TTC39B: variants seen among roughly 807,000 people sequenced by gnomAD.
The protein encoded by TTC39B is tetratricopeptide repeat domain 39B.
TTC39B carries 92 observed loss-of-function variants against 96.6 expected under a neutral mutation model. The ratio of observed to expected loss-of-function variants is 0.95; its 90% CI spans 0.80 to 1.13. The LOEUF (loss-of-function observed/expected upper bound fraction) is 1.13, where lower values mean the gene tolerates loss of function less well. Among genes scored for constraint, TTC39B ranks in the 50% most tolerant of loss-of-function variants. The pLI is 0.00. For missense variants in TTC39B, 955 were observed against 809.3 expected (o/e 1.18, Z -2.18); for synonymous variants, 367 against 299.4 (o/e 1.23, Z -2.33).
intron 6 of TTC39B, among the ~76,000 whole-genome samples, chr9:15,209,007 C>G (rs549745786): frequency 6.6e-6 from 1 of 152,166 alleles, no homozygotes; most frequent in Admixed American, 6.5e-5. Context: ...TCAGCCAAAG[C>G]TACTTCTAGT....
At position 15,285,650 on chromosome 9, in the gene TTC39B, G is replaced by C. The variant is rs200494387; in HGVS notation, c.241-17702C>G. On this transcript the variant is annotated intron_variant, in intron 1 of 19. Coordinates refer to ENST00000512701, the Ensembl canonical transcript of TTC39B. ...CGGGCGGATCACGAGGTCAGGAGATGGAGACCATCCTGGCTAACACGATGA... is the reference window on the plus strand; with the variant it reads ...CGGGCGGATCACGAGGTCAGGAGATCGAGACCATCCTGGCTAACACGATGA... Among the ~76,000 whole-genome samples the C allele has an allele frequency of 2.0e-4, 30 of 152,190 alleles. No individual in the cohort carries two copies. The East Asian group carries it at 2.9e-3, about 15-fold the overall frequency.
At chr9:15,294,779 C>T (rs2131609038) in intron 1 of TTC39B, among the ~76,000 whole-genome samples, 1 of 152,362 alleles carries the variant, frequency 6.6e-6, no homozygotes, top group African/African-American at 2.4e-5. Context: ...CTGGGCCAAT[C>T]TTTACACAAT....
exon 20 of TTC39B, chr9:15,166,361 G>A (rs1313012705): frequency 1.3e-5 from 2 of 152,180 alleles, no homozygotes; most frequent in African/African-American, 4.8e-5. Context: ...GAAGGGAATG[G>A]GGTGTAGACT....
At chr9:15,203,008 A>G (rs1206446456) in intron 7 of TTC39B, among the ~76,000 whole-genome samples, 1 of 152,224 alleles carries the variant, frequency 6.6e-6, no homozygotes, top group Non-Finnish European at 1.5e-5. Context: ...CCAAAGGAAG[A>G]AATAAAAGAA....
intron 1 of TTC39B, among the ~76,000 whole-genome samples, chr9:15,275,292 C>A (rs1053050610): frequency 2.6e-5 from 4 of 152,182 alleles, no homozygotes; most frequent in African/African-American, 4.8e-5. Flanking sequence ...CTGCCCGCCT[C>A]GGCCTCCCAA....
rs749482253 is a variant in TTC39B at position 15,185,295 on chromosome 9, G to T, written c.1599C>A (p.Leu533=). 5 of 1,612,952 alleles carry T rather than the reference G, an allele frequency of 3.1e-6. 1 individual carries two copies. The South Asian group carries it at 5.5e-5, about 18-fold the overall frequency. ...AAGCAGATACCAGGGCAGGTAAGATGAGCTTCACAGGTGCAGGTAAGGAGG... is the reference window on the plus strand; with the variant it reads ...AAGCAGATACCAGGGCAGGTAAGATTAGCTTCACAGGTGCAGGTAAGGAGG... Residue 533 remains leucine, a synonymous_variant, in exon 16 of 20, where the codon CTC becomes CTA. Coordinates refer to ENST00000512701, the Ensembl canonical transcript of TTC39B.
chr9:15,251,120 C>T (rs1173787812), intron 2 of TTC39B, among the ~76,000 whole-genome samples: 1 of 151,358 alleles, frequency 6.6e-6, no homozygotes, highest in Non-Finnish European at 1.5e-5. Flanking sequence ...CGCTTGAACC[C>T]GGGAGGTGGA....
intron 17 of TTC39B, among the ~76,000 whole-genome samples, chr9:15,181,362 G>T (rs1188604180): frequency 1.3e-5 from 2 of 152,120 alleles, no homozygotes; most frequent in Non-Finnish European, 2.9e-5. Context: ...GCATTGAAAA[G>T]AAATACAACA....
chr9:15,197,573 C>T (rs942736124), intron 8 of TTC39B, among the ~76,000 whole-genome samples: 2 of 151,624 alleles, frequency 1.3e-5, no homozygotes, highest in Admixed American at 6.6e-5. Flanking sequence ...TATTTTTACA[C>T]AGTGGAAAAT....
rs552355588 is a variant in TTC39B, at chr9:15,295,632, C to G, written c.240+11452G>C. Among the ~76,000 whole-genome samples the G allele has an allele frequency of 4.6e-5, 7 of 152,332 alleles. No individual in the cohort carries two copies. In the East Asian group the frequency reaches 1.3e-3, roughly 29 times the overall value. The stretch of plus-strand genomic sequence containing the variant: ...AGATAATGAACCAGTAGCAGCAAGA[C>G]TTTAAAAGCATAAAGAGAAAGTAAA... On this transcript the variant is annotated intron_variant, in intron 1 of 19. Coordinates refer to ENST00000512701, the Ensembl canonical transcript of TTC39B.
intron 1 of TTC39B, among the ~76,000 whole-genome samples, chr9:15,299,593 C>G (rs1331188274): frequency 6.6e-6 from 1 of 152,104 alleles, no homozygotes; most frequent in Non-Finnish European, 1.5e-5. Context: ...AGGAAAATCT[C>G]TCCCCCAGGA....
intron 3 of TTC39B, among the ~76,000 whole-genome samples, chr9:15,214,951 C>A (rs1038281179): frequency 6.6e-6 from 1 of 152,122 alleles, no homozygotes; most frequent in Non-Finnish European, 1.5e-5. Context: ...GATGATTTGG[C>A]AAACAAAACT....
intron 1 of TTC39B, among the ~76,000 whole-genome samples, chr9:15,288,983 C>T (rs898671139): frequency 6.6e-6 from 1 of 152,252 alleles, no homozygotes. Flanking sequence ...GAAATGTGAA[C>T]ACCCCAGACC....
At chr9:15,252,465 G>A (rs1262118236) in intron 2 of TTC39B, among the ~76,000 whole-genome samples, 4 of 152,100 alleles carry the variant, frequency 2.6e-5, no homozygotes, top group Admixed American at 1.3e-4. Flanking sequence ...TGGCTAACAC[G>A]GTGAAACCCC....
intron 2 of TTC39B, among the ~76,000 whole-genome samples, chr9:15,226,736 A>G (rs1221838662): frequency 6.6e-6 from 1 of 152,224 alleles, no homozygotes; most frequent in African/African-American, 2.4e-5. Flanking sequence ...GCCTTGCAGA[A>G]TCTTCGGCCA....
chr9:15,296,173 G>C (rs1481370213), intron 1 of TTC39B, among the ~76,000 whole-genome samples: 1 of 152,154 alleles, frequency 6.6e-6, no homozygotes, highest in Non-Finnish European at 1.5e-5. Flanking sequence ...GCTGTGACTG[G>C]TCCTGCTGCC....
intron 1 of TTC39B, among the ~76,000 whole-genome samples, chr9:15,296,229 G>T (rs1353767573): frequency 6.6e-6 from 1 of 152,204 alleles, no homozygotes; most frequent in Non-Finnish European, 1.5e-5. Context: ...TCAGAACTTA[G>T]TCCGAAGGTA....
intron 16 of TTC39B, among the ~76,000 whole-genome samples, chr9:15,183,108 C>T (rs945611109): frequency 6.6e-6 from 1 of 151,970 alleles, no homozygotes; most frequent in Non-Finnish European, 1.5e-5. Flanking sequence ...ATGAAGTAAG[C>T]AGGGTAATTA....
chr9:15,202,266 T>C (rs1439232038), intron 7 of TTC39B, among the ~76,000 whole-genome samples: 1 of 152,250 alleles, frequency 6.6e-6, no homozygotes, highest in Non-Finnish European at 1.5e-5. Flanking sequence ...TGATGCTTAC[T>C]GAGGCAGTAA....
Sources: gnomAD v4.1 joint callset for allele counts (sites outside exome capture counted in the v4.1 genomes callset) on GRCh38, gnomAD v4.1.1 for gene constraint, MANE v1.5 for transcripts, NCBI Gene and HGNC (gene_info 2026-07-23, HGNC 2026-07-21) for gene names.